The following MEGF11 variants were observed in gnomAD, a reference collection of about 807,000 sequenced individuals.
The protein encoded by MEGF11 is multiple EGF like domains 11.
A neutral mutation model predicts 146.6 loss-of-function variants in MEGF11; 126 were observed. That is an observed-to-expected ratio of 0.86 (90% CI 0.74 to 1.00). The LOEUF (loss-of-function observed/expected upper bound fraction) is 1.00. Among genes scored for constraint, MEGF11 ranks in the 50% least tolerant of loss-of-function variants. The pLI, the probability that MEGF11 is intolerant of heterozygous loss-of-function variation, is 0.00. For synonymous variants in MEGF11, 532 were observed against 583.4 expected (o/e 0.91, Z 1.27); for missense variants, 1,509 against 1,521.2 (o/e 0.99, Z 0.13).
intron 4 of MEGF11, among the ~76,000 whole-genome samples, chr15:66,096,997 T>C (rs569936282): frequency 9.3e-4 from 141 of 152,282 alleles, no homozygotes; most frequent in Non-Finnish European, 1.6e-3. Context: ...AGGACTCTGC[T>C]AAGGCAGCAG....
chr15:66,242,295 G>C (rs1408880460), intron 1 of MEGF11, among the ~76,000 whole-genome samples: 1 of 151,678 alleles, frequency 6.6e-6, no homozygotes, highest in Non-Finnish European at 1.5e-5. Context: ...TATGTTCCCA[G>C]CTACTTGGGA....
At chr15:66,101,974 G>T (rs2086829661) in intron 4 of MEGF11, among the ~76,000 whole-genome samples, 1 of 152,032 alleles carries the variant, frequency 6.6e-6, no homozygotes, top group Non-Finnish European at 1.5e-5. Flanking sequence ...ATCGCCCCAG[G>T]GTATTAGCCT....
intron 5 of MEGF11, among the ~76,000 whole-genome samples, chr15:66,040,828 A>T (rs765672198): frequency 6.6e-6 from 1 of 152,190 alleles, no homozygotes; most frequent in Non-Finnish European, 1.5e-5. Context: ...TGCACTGCTC[A>T]AGGTACCTGG....
chr15:66,076,955 T>C (rs887581034), intron 5 of MEGF11, among the ~76,000 whole-genome samples: 25 of 152,284 alleles, frequency 1.6e-4, no homozygotes, highest in African/African-American at 6.0e-4. Flanking sequence ...CAGCATCCTC[T>C]CTCTTCCCAT....
chr15:65,962,950 TAGCGGGAGAGA>T (rs1456996250), intron 9 of MEGF11, among the ~76,000 whole-genome samples: 2 of 152,136 alleles, frequency 1.3e-5, no homozygotes, highest in East Asian at 3.8e-4. Flanking sequence ...GGGCTGAGAT[TAGCGGGAGAGA>T]AGAGGGGGAG....
chr15:66,194,577 C>T (rs1315260390), intron 1 of MEGF11, among the ~76,000 whole-genome samples: 1 of 151,328 alleles, frequency 6.6e-6, no homozygotes, highest in East Asian at 1.9e-4. Flanking sequence ...CACTGCACTC[C>T]AGCCTGGGTG....
intron 1 of MEGF11, among the ~76,000 whole-genome samples, chr15:66,240,240 T>G (rs1342815309): frequency 6.6e-6 from 1 of 152,224 alleles, no homozygotes; most frequent in Non-Finnish European, 1.5e-5. Context: ...GATGAATGAC[T>G]TGACTTTGAG....
intron 22 of MEGF11, 144 bp from the exon 23 acceptor site, chr15:65,909,279 GGGGCCA>G: frequency 3.0e-6 from 2 of 662,728 alleles, no homozygotes; most frequent in Non-Finnish European, 2.7e-6. Context: ...AGCATCCAGA[GGGGCCA>G]GGGCCAGCGG....
At chr15:65,944,499 G>A (rs75690137) in intron 10 of MEGF11, among the ~76,000 whole-genome samples, 9,982 of 152,192 alleles carry the variant, frequency 0.066, 389 homozygotes, top group Middle Eastern at 0.11. Flanking sequence ...GGAGTTCAGG[G>A]GTTAGGGAAG....
intron 1 of MEGF11, among the ~76,000 whole-genome samples, chr15:66,174,465 C>T (rs2090340973): frequency 6.6e-6 from 1 of 152,182 alleles, no homozygotes; most frequent in South Asian, 2.1e-4. Context: ...CCTCTCTCAA[C>T]CCTGCCGCTT....
At chr15:66,086,335 G>C (rs1469147576) in intron 5 of MEGF11, among the ~76,000 whole-genome samples, 1 of 152,176 alleles carries the variant, frequency 6.6e-6, no homozygotes, top group East Asian at 1.9e-4. Context: ...ATCGCAAAAA[G>C]ATCTTCACCT....
chr15:66,130,823 GC>G (rs2088617859), intron 1 of MEGF11, among the ~76,000 whole-genome samples: 1 of 152,044 alleles, frequency 6.6e-6, no homozygotes, highest in Non-Finnish European at 1.5e-5. Flanking sequence ...CCACATGGGG[GC>G]AACTCATCCC....
rs746173752 is a variant in MEGF11 at position 65,916,241 on chromosome 15, G to A, written c.2251C>T (p.Arg751Cys). The A allele has an allele frequency of 5.2e-5, 81 of 1,559,932 alleles. No homozygotes were observed. In the South Asian group the frequency reaches 6.5e-4, roughly 13 times the overall value. ...GCGCCATTCTGACACTGGCATACGC[G>A]CCCACAGTCCTTCCCAAAAAATGCT... is the stretch of plus-strand genomic sequence containing the variant. ...PAAFFGKDCGRVCQCQNGASC... is the reference protein window; with the variant it reads ...PAAFFGKDCGCVCQCQNGASC... Residue 751 changes from arginine (R) to cysteine (C), a missense_variant, in exon 18 of 26, where the codon CGC becomes TGC. Coordinates refer to ENST00000395614, the MANE Select transcript of MEGF11 (RefSeq NM_001385028.1).
At chr15:66,225,225 C>A (rs2140177681) in intron 1 of MEGF11, among the ~76,000 whole-genome samples, 1 of 152,350 alleles carries the variant, frequency 6.6e-6, no homozygotes, top group Middle Eastern at 3.4e-3. Context: ...GGGAGCAGAG[C>A]CAAGGCTCAA....
chr15:66,019,233 C>T (rs1021034745), intron 5 of MEGF11, among the ~76,000 whole-genome samples: 5 of 152,142 alleles, frequency 3.3e-5, no homozygotes, highest in Non-Finnish European at 7.4e-5. Context: ...TCCCAGAGGC[C>T]GCAGACAGCA....
At chr15:66,034,385 G>T (rs2083645258) in intron 5 of MEGF11, among the ~76,000 whole-genome samples, 1 of 144,276 alleles carries the variant, frequency 6.9e-6, no homozygotes, top group African/African-American at 2.5e-5. Context: ...TTGGGGGTTG[G>T]GGTGGAATGC....
chr15:65,937,807 A>G (rs915406273), intron 10 of MEGF11, among the ~76,000 whole-genome samples: 2 of 152,260 alleles, frequency 1.3e-5, no homozygotes, highest in African/African-American at 4.8e-5. Context: ...TTCTAATTAA[A>G]AGCAAAAGAA....
intron 1 of MEGF11, among the ~76,000 whole-genome samples, chr15:66,186,983 G>A (rs1351882276): frequency 6.6e-6 from 1 of 152,124 alleles, no homozygotes; most frequent in African/African-American, 2.4e-5. Flanking sequence ...TGTGGCCTCA[G>A]GTGCATTATT....
At chr15:66,116,758 G>A (rs559804534) in intron 4 of MEGF11, among the ~76,000 whole-genome samples, 38 of 152,288 alleles carry the variant, frequency 2.5e-4, no homozygotes, top group African/African-American at 8.9e-4. Context: ...CTCAAACAAT[G>A]TGGAGCACCA....
Sources: gnomAD v4.1 joint callset for allele counts (sites outside exome capture counted in the v4.1 genomes callset) on GRCh38, gnomAD v4.1.1 for gene constraint, MANE v1.5 for transcripts, NCBI Gene and HGNC (gene_info 2026-07-23, HGNC 2026-07-21) for gene names.